LINGO2: variants seen among roughly 807,000 people sequenced by gnomAD.
LINGO2 encodes the protein leucine rich repeat and Ig domain containing 2.
A neutral mutation model predicts 30.6 loss-of-function variants in LINGO2; 14 were observed. The observed-to-expected ratio is 0.46, with a 90% CI of 0.30 to 0.72. The LOEUF (loss-of-function observed/expected upper bound fraction) is 0.72, where lower values mean the gene tolerates loss of function less well. Among genes scored for constraint, LINGO2 ranks in the 30% least tolerant of loss-of-function variants. The pLI is 0.07. For synonymous variants in LINGO2, 317 were observed against 288.5 expected (o/e 1.10, Z -1.00); for missense variants, 729 against 751.7 (o/e 0.97, Z 0.35).
chr9:28,878,045 G>A, the LINGO2 span, among the ~76,000 whole-genome samples: 45 of 151,876 alleles, frequency 3.0e-4, no homozygotes, highest in Non-Finnish European at 5.0e-4. Context: ...TAATGAATCC[G>A]GGAGCTGGTT....
At chr9:28,711,179 G>A in the LINGO2 span, among the ~76,000 whole-genome samples, 2 of 152,086 alleles carry the variant, frequency 1.3e-5, no homozygotes, top group African/African-American at 4.8e-5. Flanking sequence ...AGAAAATTAG[G>A]TATTTTAGAT....
chr9:28,727,638 G>C, the LINGO2 span, among the ~76,000 whole-genome samples: 6 of 152,080 alleles, frequency 3.9e-5, no homozygotes, highest in Non-Finnish European at 8.8e-5. Context: ...TCCGTCTTTA[G>C]ATAGATAAAA....
At chr9:28,174,898 C>CTGTGTGTGTG (rs66472807) in intron 4 of LINGO2, among the ~76,000 whole-genome samples, 32,383 of 140,330 alleles carry the variant, frequency 0.23, 3,812 homozygotes, top group South Asian at 0.27. Flanking sequence ...ATTTGTGTCT[C>CTGTGTGTGTG]TGTGTGTGTG....
chr9:28,074,512 A>C (rs944279687), intron 4 of LINGO2, among the ~76,000 whole-genome samples: 1 of 152,176 alleles, frequency 6.6e-6, no homozygotes, highest in East Asian at 1.9e-4. Flanking sequence ...CTTCCAGAAC[A>C]TAACAGCTTG....
intron 3 of LINGO2, among the ~76,000 whole-genome samples, chr9:28,352,008 A>G (rs1336708585): frequency 6.6e-6 from 1 of 151,472 alleles, no homozygotes; most frequent in Non-Finnish European, 1.5e-5. Context: ...TTTCAAAATA[A>G]TAAGAGCTAT....
At chr9:28,281,396 T>A (rs1823319183) in intron 4 of LINGO2, among the ~76,000 whole-genome samples, 1 of 152,000 alleles carries the variant, frequency 6.6e-6, no homozygotes, top group African/African-American at 2.4e-5. Flanking sequence ...ATGCCCCAGT[T>A]AACTATTAAG....
chr9:28,519,482 T>G (rs1820750629), intron 1 of LINGO2, among the ~76,000 whole-genome samples: 1 of 152,226 alleles, frequency 6.6e-6, no homozygotes, highest in African/African-American at 2.4e-5. Flanking sequence ...AGCTTTTAGA[T>G]GTTAAAGCAT....
At chr9:28,538,848 C>T (rs1436138402) in intron 1 of LINGO2, among the ~76,000 whole-genome samples, 1 of 151,754 alleles carries the variant, frequency 6.6e-6, no homozygotes, top group Non-Finnish European at 1.5e-5. Flanking sequence ...TGTTTCCAAC[C>T]TATGAATTTG....
chr9:28,809,563 G>A, the LINGO2 span, among the ~76,000 whole-genome samples: 1 of 152,082 alleles, frequency 6.6e-6, no homozygotes, highest in Non-Finnish European at 1.5e-5. Flanking sequence ...GGCCAACACA[G>A]TGAAACCCTG....
rs182571961 is a variant in LINGO2 at position 28,550,022 on chromosome 9, G to C, written c.-364-73997C>G. Reference sequence around the variant, plus strand: ...TTACTTGAATTGCCATTCATTTTTAGATAATCCTATGATTGCTGTTAAAAG... The same window carrying C: ...TTACTTGAATTGCCATTCATTTTTACATAATCCTATGATTGCTGTTAAAAG... On this transcript the variant is annotated intron_variant, in intron 1 of 5. Coordinates refer to ENST00000379992, the Ensembl canonical transcript of LINGO2. 3.4e-3 allele frequency among the ~76,000 whole-genome samples: 521 copies of C among 151,778 alleles called. 9 individuals carry two copies. The highest frequency in any genetic ancestry group is 0.012 in the African/African-American group (498 of 41,492).
At chr9:28,033,472 G>A (rs1465739918) in intron 4 of LINGO2, among the ~76,000 whole-genome samples, 1 of 152,108 alleles carries the variant, frequency 6.6e-6, no homozygotes, top group African/African-American at 2.4e-5. Flanking sequence ...ACCATCAACA[G>A]CTTTAGTTGG....
intron 2 of LINGO2, among the ~76,000 whole-genome samples, chr9:28,435,089 T>G (rs965556053): frequency 2.0e-4 from 30 of 152,148 alleles, no homozygotes; most frequent in African/African-American, 7.2e-4. Flanking sequence ...TCACTGGTAA[T>G]TTTTTATAAT....
At chr9:28,662,475 AG>A (rs1187484954) in intron 1 of LINGO2, among the ~76,000 whole-genome samples, 2 of 152,176 alleles carry the variant, frequency 1.3e-5, no homozygotes, top group Non-Finnish European at 2.9e-5. Context: ...GAGATTTTGT[AG>A]AAAAAACCAG....
Position 28,104,263 on chromosome 9 carries a change from TTTG to T in LINGO2, c.-86-91861_-86-91859del, listed in dbSNP as rs1253524487. Among the ~76,000 whole-genome samples the T allele has an allele frequency of 2.4e-4, 24 of 98,716 alleles. 1 individual carries two copies. The highest frequency in any genetic ancestry group is 4.0e-4 in the South Asian group (1 of 2,526). 64.8% of individuals were successfully genotyped at this position (98,716 alleles called of 152,430 possible). On this transcript the variant is annotated intron_variant, in intron 4 of 5. Coordinates refer to ENST00000379992, the Ensembl canonical transcript of LINGO2. ...GCTTTTCCCCAGTACAAGTTTTTTG[TTTG>T]TTTTTTTTTTTTTTTTTTTTGCTTT...
At chr9:28,128,086 A>T (rs1326644785) in intron 4 of LINGO2, among the ~76,000 whole-genome samples, 1 of 152,208 alleles carries the variant, frequency 6.6e-6, no homozygotes, top group African/African-American at 2.4e-5. Flanking sequence ...CTCTGGTTAA[A>T]AGTCAGGCTT....
chr9:29,083,377 G>C, the LINGO2 span, among the ~76,000 whole-genome samples: 1 of 152,056 alleles, frequency 6.6e-6, no homozygotes, highest in African/African-American at 2.4e-5. Flanking sequence ...GGTGGGAACT[G>C]AACAATGAGA....
intron 4 of LINGO2, among the ~76,000 whole-genome samples, chr9:28,153,962 C>T (rs1366806327): frequency 6.6e-6 from 1 of 152,134 alleles, no homozygotes; most frequent in East Asian, 1.9e-4. Context: ...CTTTTACATA[C>T]ACATTTGTTA....
At chr9:28,498,954 T>G (rs900997419) in intron 1 of LINGO2, among the ~76,000 whole-genome samples, 2 of 152,314 alleles carry the variant, frequency 1.3e-5, no homozygotes, top group South Asian at 4.1e-4. Flanking sequence ...TCCACTATGA[T>G]ATTTTACTCA....
the LINGO2 span, among the ~76,000 whole-genome samples, chr9:28,867,136 C>A: frequency 1.3e-5 from 2 of 152,096 alleles, no homozygotes; most frequent in Non-Finnish European, 2.9e-5. Context: ...CTAAATCACA[C>A]CACTAATATG....
Sources: allele counts gnomAD v4.1 joint callset (sites outside exome capture counted in the v4.1 genomes callset), GRCh38; gene constraint gnomAD v4.1.1; transcripts MANE v1.5; gene names NCBI Gene and HGNC (gene_info 2026-07-23, HGNC 2026-07-21).